SGCD: variants seen among roughly 807,000 people sequenced by gnomAD.
SGCD encodes the protein sarcoglycan delta.
Under a neutral mutation model 36.6 loss-of-function variants are expected in SGCD, and 18 were observed. The observed-to-expected ratio is 0.49, with a 90% CI of 0.34 to 0.73. The LOEUF (loss-of-function observed/expected upper bound fraction) is 0.73. Among genes scored for constraint, SGCD ranks in the 30% least tolerant of loss-of-function variants. The pLI is 0.01. For missense variants in SGCD, 387 were observed against 346.7 expected, an observed-to-expected ratio of 1.12 and a Z score of -0.92; for synonymous variants, 133 against 130.6, an observed-to-expected ratio of 1.02 and a Z score of -0.12.
intron 4 of SGCD, among the ~76,000 whole-genome samples, chr5:156,533,162 G>A (rs1346891066): frequency 1.3e-5 from 2 of 152,064 alleles, no homozygotes; most frequent in Non-Finnish European, 2.9e-5. Flanking sequence ...ACCCATTGTG[G>A]TTTCTCTGGT....
chr5:156,477,058 A>G (rs1253960699), intron 3 of SGCD, among the ~76,000 whole-genome samples: 1 of 151,808 alleles, frequency 6.6e-6, no homozygotes, highest in Non-Finnish European at 1.5e-5. Flanking sequence ...AGAAAAAAAA[A>G]AAAAAAGGAA....
At chr5:156,537,385 A>G (rs577757698) in intron 4 of SGCD, among the ~76,000 whole-genome samples, 8 of 151,332 alleles carry the variant, frequency 5.3e-5, no homozygotes, top group African/African-American at 1.7e-4. Flanking sequence ...TTGTGGATAG[A>G]GAACACATTT....
chr5:156,557,253 C>T (rs1475013745), intron 4 of SGCD, among the ~76,000 whole-genome samples: 1 of 152,146 alleles, frequency 6.6e-6, no homozygotes, highest in African/African-American at 2.4e-5. Flanking sequence ...ATAGCAACAC[C>T]ATCTGTCCCT....
chr5:155,789,101 G>A, the SGCD span, among the ~76,000 whole-genome samples: 1 of 152,184 alleles, frequency 6.6e-6, no homozygotes, highest in Non-Finnish European at 1.5e-5. Context: ...AGGTAGGCAA[G>A]TAGGGATTAT....
intron 1 of SGCD, among the ~76,000 whole-genome samples, chr5:155,964,612 C>A (rs1257128121): frequency 2.6e-5 from 4 of 152,112 alleles, no homozygotes; most frequent in African/African-American, 9.7e-5. Context: ...CAGGCGTGAG[C>A]CACCACAACT....
intron 5 of SGCD, 48 bp from the exon 6 acceptor site, chr5:156,594,884 T>TCTCTCTC (rs780744816): frequency 5.5e-6 from 7 of 1,273,026 alleles, no homozygotes; most frequent in Admixed American, 3.9e-5. Flanking sequence ...TTTCTCTCTC[T>TCTCTCTC]CTCTCTCCTC....
At chr5:156,240,706 T>C (rs1765284708) in intron 3 of SGCD, among the ~76,000 whole-genome samples, 2 of 152,130 alleles carry the variant, frequency 1.3e-5, no homozygotes, top group Admixed American at 1.3e-4. Context: ...TAAAAAAAAA[T>C]GGGCCATATG....
chr5:156,431,262 A>G (rs894772574), intron 3 of SGCD, among the ~76,000 whole-genome samples: 1 of 151,814 alleles, frequency 6.6e-6, no homozygotes, highest in African/African-American at 2.4e-5. Flanking sequence ...AGGGGTTGTG[A>G]CTCTGCTTCT....
chr5:156,721,899 G>A (rs1173910790), intron 7 of SGCD, among the ~76,000 whole-genome samples: 5 of 152,142 alleles, frequency 3.3e-5, no homozygotes, highest in Admixed American at 2.6e-4. Flanking sequence ...AAAAGAAAAG[G>A]AAGACTGTCA....
At chr5:156,175,464 A>G (rs1422721752) in intron 3 of SGCD, among the ~76,000 whole-genome samples, 1 of 152,080 alleles carries the variant, frequency 6.6e-6, no homozygotes, top group African/African-American at 2.4e-5. Context: ...ACTACACCAT[A>G]TTTTACCTCT....
chr5:155,791,459 A>G, the SGCD span, among the ~76,000 whole-genome samples: 2 of 152,178 alleles, frequency 1.3e-5, no homozygotes, highest in South Asian at 4.1e-4. Flanking sequence ...GTAGAAAAAG[A>G]AGTCAAACTA....
chr5:155,819,749 T>C, the SGCD span, among the ~76,000 whole-genome samples: 3 of 152,144 alleles, frequency 2.0e-5, no homozygotes, highest in African/African-American at 4.8e-5. Flanking sequence ...GAAACATCTG[T>C]AGAGCTGGAT....
chr5:155,918,857 A>T (rs1756811739), intron 1 of SGCD, among the ~76,000 whole-genome samples: 2 of 151,966 alleles, frequency 1.3e-5, no homozygotes, highest in African/African-American at 2.4e-5. Flanking sequence ...CTTCTCCTCC[A>T]TATGTCAGCT....
chr5:156,449,301 A>G (rs62382692), intron 3 of SGCD, among the ~76,000 whole-genome samples: 28,274 of 152,030 alleles, frequency 0.19, 2,726 homozygotes, highest in Middle Eastern at 0.28. Flanking sequence ...TTTATTTGTC[A>G]AATTATTTGG....
chr5:156,244,643 TA>T (rs1191906649), intron 3 of SGCD, among the ~76,000 whole-genome samples: 1 of 152,214 alleles, frequency 6.6e-6, no homozygotes, highest in Admixed American at 6.5e-5. Context: ...TCTCATTTTT[TA>T]ATAAAATTAA....
At chr5:156,228,603 A>G (rs113123007) in intron 3 of SGCD, among the ~76,000 whole-genome samples, 3 of 152,268 alleles carry the variant, frequency 2.0e-5, no homozygotes, top group African/African-American at 7.2e-5. Flanking sequence ...GCAATTCTAT[A>G]TCTTTTAAGT....
At chr5:156,522,582 A>G (rs1248175401) in intron 4 of SGCD, among the ~76,000 whole-genome samples, 3 of 152,032 alleles carry the variant, frequency 2.0e-5, no homozygotes, top group African/African-American at 7.2e-5. Context: ...GGGCCTATTG[A>G]TGGGGAGTCA....
upstream of SGCD, among the ~76,000 whole-genome samples, chr5:155,869,556 G>C (rs1038622576): frequency 6.6e-6 from 1 of 152,042 alleles, no homozygotes; most frequent in Non-Finnish European, 1.5e-5. Flanking sequence ...TAGTTGTTTA[G>C]AGCCTGGGCG....
chr5:155,981,376 T>C (rs1028761505), intron 1 of SGCD, among the ~76,000 whole-genome samples: 2 of 152,138 alleles, frequency 1.3e-5, no homozygotes, highest in Non-Finnish European at 2.9e-5. Flanking sequence ...CTGCTGACAG[T>C]GCTTGGAATC....
Sources: allele counts gnomAD v4.1 joint callset (sites outside exome capture counted in the v4.1 genomes callset), GRCh38; gene constraint gnomAD v4.1.1; transcripts MANE v1.5; gene names NCBI Gene and HGNC (gene_info 2026-07-23, HGNC 2026-07-21).